ADSS1: variants seen among roughly 807,000 people sequenced by gnomAD.
The protein encoded by ADSS1 is adenylosuccinate synthase 1.
A neutral mutation model predicts 59.1 loss-of-function variants in ADSS1; 57 were observed. The ratio of observed to expected loss-of-function variants is 0.97; its 90% CI spans 0.78 to 1.20. The LOEUF (loss-of-function observed/expected upper bound fraction) is 1.20. Ranked by LOEUF, ADSS1 falls within the 50% of genes most tolerant of loss-of-function variation. The pLI, the probability that ADSS1 is intolerant of heterozygous loss-of-function variation, is 0.00. For missense variants in ADSS1, 603 were observed against 610.3 expected (o/e 0.99, Z 0.13); for synonymous variants, 247 against 249.4 (o/e 0.99, Z 0.09).
chr14:104,738,303 A>AT, intron 2 of ADSS1, 73 bp from the exon 3 acceptor site: 1 of 1,536,078 alleles, frequency 6.5e-7, no homozygotes. Context: ...CACCCATTTC[A>AT]TGCTGTTCTT....
chr14:104,726,659 A>T (rs1401255503), intron 1 of ADSS1, among the ~76,000 whole-genome samples: 2 of 152,236 alleles, frequency 1.3e-5, no homozygotes, highest in African/African-American at 4.8e-5. Context: ...GGATGCCTGA[A>T]GCCAGATGAA....
At chr14:104,734,197 GTA>G (rs1251186144) in intron 1 of ADSS1, among the ~76,000 whole-genome samples, 1 of 152,224 alleles carries the variant, frequency 6.6e-6, no homozygotes, top group East Asian at 1.9e-4. Context: ...GAGTGTCCCT[GTA>G]TCCATCATGC....
chr14:104,735,127 G>A lies in ADSS1; in HGVS notation c.295+5G>A, dbSNP rs1368418266. ...CCAAGGCCGTGTCCTTCATTGGTGA[G>A]TGCCCTGCCCCGACCTGTGTGTGAG... On this transcript the variant is annotated splice_donor_5th_base_variant and intron_variant, in intron 2 of 12. Transcript: ENST00000330877. 2.5e-6 allele frequency: 4 copies of A among 1,605,462 alleles called. No homozygotes were observed. The South Asian group carries it at 3.3e-5, about 13-fold the overall frequency.
chr14:104,734,325 C>T (rs1891038435), intron 1 of ADSS1, among the ~76,000 whole-genome samples: 1 of 152,216 alleles, frequency 6.6e-6, no homozygotes, highest in Non-Finnish European at 1.5e-5. Context: ...GTTCTTGCCC[C>T]ACCTGGAGAG....
intron 2 of ADSS1, among the ~76,000 whole-genome samples, chr14:104,736,881 G>GAT (rs57122419): frequency 0.049 from 5,205 of 106,098 alleles, 160 homozygotes; most frequent in Non-Finnish European, 0.058. Context: ...GCACCTAGCT[G>GAT]ATATATATAT....
In ADSS1 at chr14:104,735,106, G is replaced by A. The variant is rs758891870; in HGVS notation, c.279G>A (p.Lys93=). 3.7e-6 allele frequency: 6 copies of A among 1,611,320 alleles called. No homozygotes were observed. The South Asian group carries it at 6.6e-5, about 18-fold the overall frequency. The change falls in exon 2 of 13, where the codon AAG becomes AAA. Residue 93 remains lysine, a synonymous_variant. Coordinates refer to ENST00000330877, the MANE Select transcript of ADSS1 (RefSeq NM_152328.5). ...TGCCCAGCGGCATCATCAACACCAAGGCCGTGTCCTTCATTGGTGAGTGCC... is the reference window on the plus strand; with the variant it reads ...TGCCCAGCGGCATCATCAACACCAAAGCCGTGTCCTTCATTGGTGAGTGCC... The part of the protein sequence containing the change: ...HLLPSGIINT[K]AVSFIGNGVV...
rs183381502 is a variant in ADSS1, at chr14:104,742,451, C to T, written c.948+449C>T. ...AGAATTGGGGCTGAAAGCCAACCCCCACAACCCTGCCCAGCTCTCCAGCCC... is the reference window on the plus strand; with the variant it reads ...AGAATTGGGGCTGAAAGCCAACCCCTACAACCCTGCCCAGCTCTCCAGCCC... On this transcript the variant is annotated intron_variant, in intron 9 of 12. Coordinates refer to ENST00000330877, the MANE Select transcript of ADSS1 (RefSeq NM_152328.5). Among the ~76,000 whole-genome samples the T allele has an allele frequency of 5.9e-5, 9 of 152,368 alleles. No individual in the cohort carries two copies. The East Asian group carries it at 1.7e-3, about 29-fold the overall frequency.
chr14:104,730,025 C>A lies in ADSS1; in HGVS notation c.193-4995C>A, dbSNP rs373927889. The A allele has an allele frequency of 2.4e-5, 38 of 1,590,348 alleles. No individual in the cohort carries two copies. The highest frequency in any genetic ancestry group is 3.3e-5 in the Non-Finnish European group (38 of 1,168,652). On this transcript the variant is annotated intron_variant, in intron 1 of 12. Coordinates refer to ENST00000330877, the MANE Select transcript of ADSS1 (RefSeq NM_152328.5). The stretch of plus-strand genomic sequence containing the variant: ...CCCCTGGCTGCCTCCAAGGAGTCTC[C>A]AGTTACTGAGTGGCCACTCCGTGCC...
intron 2 of ADSS1, chr14:104,738,060 G>C (rs1595204977): frequency 3.6e-6 from 1 of 279,636 alleles, no homozygotes; most frequent in East Asian, 1.0e-4. Flanking sequence ...GCAGTGGCAG[G>C]ATCTCAGCTC....
intron 9 of ADSS1, 38 bp downstream of exon 9, chr14:104,742,040 G>A (rs1212866366): frequency 6.2e-7 from 1 of 1,607,236 alleles, no homozygotes; most frequent in African/African-American, 1.3e-5. Flanking sequence ...TGGGAGGACA[G>A]GGAGGCCAGG....
At chr14:104,728,115 C>T (rs1381865239) in intron 1 of ADSS1, among the ~76,000 whole-genome samples, 2 of 152,154 alleles carry the variant, frequency 1.3e-5, no homozygotes, top group African/African-American at 4.8e-5. Flanking sequence ...GCATCCTGTG[C>T]ATTGAGGGCC....
intron 1 of ADSS1, 83 bp from the exon 2 acceptor site, chr14:104,734,937 G>C: frequency 8.2e-7 from 1 of 1,220,320 alleles, no homozygotes. Context: ...TGCAGGGACA[G>C]ACGAAGCCCC....
rs377659644 is a variant in ADSS1, at chr14:104,732,959, G to A, written c.193-2061G>A. Among the ~76,000 whole-genome samples the A allele has an allele frequency of 5.3e-3, 813 of 152,228 alleles. 4 individuals are homozygous for A. The highest frequency in any genetic ancestry group is 0.02 in the Middle Eastern group (6 of 294). Reference sequence around the variant, plus strand: ...CAAACCCAGAATCTGTTCGAGTCACGCCAGGGCCTGCCCCGTCCCGATGGA... The same window carrying A: ...CAAACCCAGAATCTGTTCGAGTCACACCAGGGCCTGCCCCGTCCCGATGGA... On this transcript the variant is annotated intron_variant, in intron 1 of 12. Coordinates refer to ENST00000330877, the MANE Select transcript of ADSS1 (RefSeq NM_152328.5).
chr14:104,741,271 C>T (rs367648215), intron 8 of ADSS1, 28 bp downstream of exon 8: 12 of 1,530,352 alleles, frequency 7.8e-6, no homozygotes, highest in East Asian at 2.3e-5. Flanking sequence ...TGCGTGCCAA[C>T]GACCTTTCGT....
chr14:104,739,916 C>T (rs1049104223), intron 5 of ADSS1, 100 bp downstream of exon 5: 38 of 1,280,446 alleles, frequency 3.0e-5, no homozygotes, highest in African/African-American at 4.4e-5. Flanking sequence ...GAGGAGGGTA[C>T]CTCAACCCAC....
At chr14:104,739,607 T>C (rs1195047490) in intron 4 of ADSS1, 143 bp from the exon 5 acceptor site, 2 of 1,008,064 alleles carry the variant, frequency 2.0e-6, no homozygotes, top group Middle Eastern at 2.4e-4. Flanking sequence ...ACACTCATGG[T>C]CACACCCCAG....
chr14:104,732,709 G>A (rs1466564159), intron 1 of ADSS1, among the ~76,000 whole-genome samples: 2 of 152,194 alleles, frequency 1.3e-5, no homozygotes, highest in Non-Finnish European at 2.9e-5. Flanking sequence ...ATCCCTCGAC[G>A]CCTGCCCCCC....
At chr14:104,735,384 G>A (rs889706927) in intron 2 of ADSS1, among the ~76,000 whole-genome samples, 1 of 152,088 alleles carries the variant, frequency 6.6e-6, no homozygotes, top group African/African-American at 2.4e-5. Flanking sequence ...GAGCGGGAGT[G>A]CCTGATCCCT....
chr14:104,742,137 G>A (rs975597419), intron 9 of ADSS1, 135 bp downstream of exon 9: 26 of 1,317,266 alleles, frequency 2.0e-5, no homozygotes, highest in South Asian at 5.5e-5. Context: ...CCACCAGGGC[G>A]CTTCCTGCCG....
Sources: allele counts gnomAD v4.1 joint callset (sites outside exome capture counted in the v4.1 genomes callset), GRCh38; gene constraint gnomAD v4.1.1; transcripts MANE v1.5; gene names NCBI Gene and HGNC (gene_info 2026-07-23, HGNC 2026-07-21).